The following MED6 variants were observed in gnomAD, a reference collection of about 807,000 sequenced individuals.
MED6 encodes mediator of RNA polymerase II transcription subunit 6.
A neutral mutation model predicts 37.5 loss-of-function variants in MED6; 33 were observed. The ratio of observed to expected loss-of-function variants is 0.88; its 90% CI spans 0.67 to 1.18. The LOEUF (loss-of-function observed/expected upper bound fraction) is 1.18. MED6 is among the 50% of genes most tolerant of loss of function. The pLI is 0.00. For synonymous variants in MED6, 94 were observed against 93.6 expected (o/e 1.00, Z -0.02); for missense variants, 235 against 290.6 (o/e 0.81, Z 1.39).
At chr14:70,596,554 GTAAA>G (rs1358078035) in intron 3 of MED6, 53 bp downstream of exon 3, 2 of 1,370,614 alleles carry the variant, frequency 1.5e-6, no homozygotes, top group Non-Finnish European at 2.1e-6. Context: ...AGGTCAGGAA[GTAAA>G]TAAATTATGG....
rs1884644468 is a variant in MED6 at position 70,584,517 on chromosome 14, G to C, written c.*296C>G. 1 of 307,380 alleles carries C rather than the reference G, an allele frequency of 3.3e-6. No homozygotes were observed. The highest frequency in any genetic ancestry group is 4.7e-5 in the Admixed American group (1 of 21,316). 19.0% of individuals were successfully genotyped at this position (307,380 alleles called of 1,614,324 possible). A position where few individuals can be genotyped will look rare whatever the true frequency, so the allele number is the denominator to read the frequency against. On this transcript the variant is annotated 3_prime_UTR_variant, in exon 8 of 8. Coordinates refer to ENST00000256379, the MANE Select transcript of MED6 (RefSeq NM_005466.4). ...CAGCCTCCCGAGTAGCTGGGACTATGGGCGCCCGCCACCACGCCCGGCTAA... is the reference window on the plus strand; with the variant it reads ...CAGCCTCCCGAGTAGCTGGGACTATCGGCGCCCGCCACCACGCCCGGCTAA...
At chr14:70,599,116 C>T (rs1885130620) in intron 1 of MED6, among the ~76,000 whole-genome samples, 1 of 152,188 alleles carries the variant, frequency 6.6e-6, no homozygotes. Context: ...CTATACAATA[C>T]TGGTTGAAAA....
In MED6 at chr14:70,584,841, G is replaced by C; in HGVS notation, c.713C>G (p.Pro238Arg). The change falls in exon 8 of 8, where the codon CCC becomes CGC. Residue 238 changes from proline to arginine, a missense_variant. Coordinates refer to ENST00000256379, the MANE Select transcript of MED6 (RefSeq NM_005466.4). ...CTGAAGTCTCATCCGTTTTTCAGGG[G>C]GGCCTTTAGCACTCACTGTCTGTTG... ...NVQQTVSAKG[P>R]PEKRMRLQ The C allele has an allele frequency of 6.2e-7, 1 of 1,613,884 alleles. No individual in the cohort carries two copies.
chr14:70,584,011 TAAA>T lies in MED6; in HGVS notation c.*799_*801del, dbSNP rs1884623408. On this transcript the variant is annotated 3_prime_UTR_variant, in exon 8 of 8. Coordinates refer to ENST00000256379, the MANE Select transcript of MED6 (RefSeq NM_005466.4). Reference sequence around the variant, plus strand: ...GAAGTATCTACACACAGAATAAGATTAAAATTCACAACACTGTTACAGTATTTA... The same window carrying T: ...GAAGTATCTACACACAGAATAAGATTATTCACAACACTGTTACAGTATTTA... 2.2e-6 allele frequency: 1 copy of T among 463,756 alleles called. No individual in the cohort carries two copies. Among genetic ancestry groups the T allele is most frequent in the Non-Finnish European group, 3.8e-6 (1 of 263,040 alleles). The allele number at this position is 463,756 out of a possible 1,614,324, so 28.7% of individuals were successfully genotyped here.
At chr14:70,585,683 G>T in intron 7 of MED6, 73 bp downstream of exon 7, 1 of 1,324,358 alleles carries the variant, frequency 7.6e-7, no homozygotes. Context: ...CATTTCACAT[G>T]CTATACTTGT....
At chr14:70,587,189 T>C (rs1884734991) in intron 6 of MED6, among the ~76,000 whole-genome samples, 1 of 152,218 alleles carries the variant, frequency 6.6e-6, no homozygotes, top group Non-Finnish European at 1.5e-5. Flanking sequence ...GTGCACTCTG[T>C]GTAACCTCTT....
chr14:70,591,166 T>C (rs932955023), intron 6 of MED6, 100 bp downstream of exon 6: 3 of 903,808 alleles, frequency 3.3e-6, no homozygotes, highest in African/African-American at 3.5e-5. Context: ...TGAGGAAAAT[T>C]GTACTTTTAG....
chr14:70,599,664 T>C (rs530385609), intron 1 of MED6, among the ~76,000 whole-genome samples: 1 of 152,328 alleles, frequency 6.6e-6, no homozygotes, highest in Admixed American at 6.5e-5. Context: ...CACACTCTTA[T>C]TTTAGAGTCT....
Position 70,584,191 on chromosome 14 carries a change from T to C in MED6, c.*622A>G, listed in dbSNP as rs1317436415. The C allele has an allele frequency of 4.0e-6, 3 of 752,644 alleles. No individual in the cohort carries two copies. The highest frequency in any genetic ancestry group is 2.8e-5 in the South Asian group (2 of 72,702). 46.6% of individuals were successfully genotyped at this position (752,644 alleles called of 1,614,324 possible). On this transcript the variant is annotated 3_prime_UTR_variant, in exon 8 of 8. Coordinates refer to ENST00000256379, the MANE Select transcript of MED6 (RefSeq NM_005466.4). ...ACATCCTTTATGTCTTCAAAGTGCA[T>C]CTGAAAAATATCAGTTATGATGAAG...
chr14:70,595,595 G>C, intron 3 of MED6: 1 of 735,414 alleles, frequency 1.4e-6, no homozygotes, highest in Non-Finnish European at 2.4e-6. Flanking sequence ...CACAGGCCGG[G>C]GCAGAGAGGC....
At chr14:70,589,829 G>C (rs896919742) in intron 6 of MED6, among the ~76,000 whole-genome samples, 1 of 151,968 alleles carries the variant, frequency 6.6e-6, no homozygotes, top group Non-Finnish European at 1.5e-5. Flanking sequence ...GGATTCTTCT[G>C]GTTTCTGAAC....
intron 6 of MED6, among the ~76,000 whole-genome samples, chr14:70,586,737 C>A (rs528982786): frequency 6.6e-6 from 1 of 152,178 alleles, no homozygotes; most frequent in Non-Finnish European, 1.5e-5. Flanking sequence ...GTTCCAGGTT[C>A]ATGCTGACAA....
At chr14:70,595,006 A>G (rs1305383893) in intron 3 of MED6, 8 of 580,520 alleles carry the variant, frequency 1.4e-5, no homozygotes, top group Non-Finnish European at 2.4e-5. Flanking sequence ...CAATGCCCAC[A>G]TTGTTCTGCA....
intron 6 of MED6, among the ~76,000 whole-genome samples, chr14:70,589,046 T>C (rs898998309): frequency 1.3e-5 from 2 of 152,090 alleles, no homozygotes; most frequent in Non-Finnish European, 1.5e-5. Context: ...AGGACTCAAA[T>C]ACAACAGCAA....
At position 70,583,289 on chromosome 14, in the gene MED6, AC is replaced by A. The variant is rs1884602185; in HGVS notation, c.*1523del. On this transcript the variant is annotated 3_prime_UTR_variant, in exon 8 of 8. Transcript: ENST00000256379. The stretch of plus-strand genomic sequence containing the variant: ...AGAAGTTGAAAGACAAAAATCTCAC[AC>A]AATACATAAAATTAGACATTTCATA... The A allele has an allele frequency of 6.6e-6, 1 of 152,264 alleles. No individual in the cohort carries two copies. Among genetic ancestry groups the A allele is most frequent in the South Asian group, 2.1e-4 (1 of 4,834 alleles). The allele number at this position is 152,264 out of a possible 1,614,324, so 9.4% of individuals were successfully genotyped here. A position where few individuals can be genotyped will look rare whatever the true frequency, so the allele number is the denominator to read the frequency against.
rs529773181 is a variant in MED6, at chr14:70,588,152, G to T, written c.583-2369C>A. ...ATTTTCTTCTCTAGATCTGAGGCTG[G>T]AAAAATTTTTGTTAGGAAAAGCAAA... On this transcript the variant is annotated intron_variant, in intron 6 of 7. Coordinates refer to ENST00000256379, the MANE Select transcript of MED6 (RefSeq NM_005466.4). Among the ~76,000 whole-genome samples, 3 of 152,252 alleles carry T rather than the reference G, an allele frequency of 2.0e-5. No homozygotes were observed. In the East Asian group the frequency reaches 5.8e-4, roughly 29 times the overall value.
rs775532101 is a variant in MED6, at chr14:70,584,810, T to C, written c.*3A>G. The C allele has an allele frequency of 1.2e-6, 2 of 1,613,926 alleles. No individual in the cohort carries two copies. The highest frequency in any genetic ancestry group is 1.3e-5 in the African/African-American group (1 of 75,026). On this transcript the variant is annotated 3_prime_UTR_variant, in exon 8 of 8. Coordinates refer to ENST00000256379, the MANE Select transcript of MED6 (RefSeq NM_005466.4). The stretch of plus-strand genomic sequence containing the variant: ...TCTTCCAGGCTTCTCTTTTGTCCAG[T>C]ACTCACTGAAGTCTCATCCGTTTTT...
chr14:70,590,893 T>G (rs1884850279), intron 6 of MED6, among the ~76,000 whole-genome samples: 1 of 152,208 alleles, frequency 6.6e-6, no homozygotes, highest in South Asian at 2.1e-4. Context: ...ATTCTATCAT[T>G]TAGGTTGTTC....
At chr14:70,600,400 C>T (rs1335778912) in intron 1 of MED6, among the ~76,000 whole-genome samples, 1 of 151,520 alleles carries the variant, frequency 6.6e-6, no homozygotes, top group Non-Finnish European at 1.5e-5. Context: ...CTTCCAACCC[C>T]TTCTCTCCGA....
Sources: gnomAD v4.1 joint callset for allele counts (sites outside exome capture counted in the v4.1 genomes callset) on GRCh38, gnomAD v4.1.1 for gene constraint, MANE v1.5 for transcripts, NCBI Gene and HGNC (gene_info 2026-07-23, HGNC 2026-07-21) for gene names.